Variants in KCNMA1 observed in about 807,000 individuals in gnomAD.
The protein encoded by KCNMA1 is Calcium-activated potassium channel subunit alpha-1.
KCNMA1 carries 29 observed loss-of-function variants against 140.0 expected under a neutral mutation model. The observed-to-expected ratio is 0.21, with a 90% CI of 0.15 to 0.28. The LOEUF (loss-of-function observed/expected upper bound fraction) is 0.28. Ranked by LOEUF, KCNMA1 falls within the 10% of genes least tolerant of loss-of-function variation. The probability of loss-of-function intolerance (pLI) is 1.00; values close to 1 mark genes in which losing one functional copy is unlikely to be tolerated. For synonymous variants in KCNMA1, 612 were observed against 611.9 expected (o/e 1.00, Z 0.00); for missense variants, 880 against 1,602.2 (o/e 0.55, Z 7.70).
chr10:77,561,687 G>T (rs570954593), intron 1 of KCNMA1, among the ~76,000 whole-genome samples: 1 of 152,160 alleles, frequency 6.6e-6, no homozygotes, highest in Non-Finnish European at 1.5e-5. Context: ...TTCACAAGGG[G>T]CACCATTGGC....
At chr10:77,358,992 A>G (rs2093723393) in intron 2 of KCNMA1, among the ~76,000 whole-genome samples, 1 of 152,180 alleles carries the variant, frequency 6.6e-6, no homozygotes, top group African/African-American at 2.4e-5. Flanking sequence ...TGCTAAAAGT[A>G]AGCCCCATGT....
intron 2 of KCNMA1, among the ~76,000 whole-genome samples, chr10:77,302,774 G>A (rs990805370): frequency 6.6e-6 from 1 of 152,144 alleles, no homozygotes; most frequent in African/African-American, 2.4e-5. Flanking sequence ...GCAAAAAAAG[G>A]CAACAGTGTA....
chr10:76,877,997 C>T, intron 29 of KCNMA1: 5 of 1,068,248 alleles, frequency 4.7e-6, no homozygotes, highest in South Asian at 1.4e-5. Context: ...AAAAGGTAAT[C>T]GATAGAAGCC....
At chr10:77,514,542 G>A (rs958552329) in intron 1 of KCNMA1, among the ~76,000 whole-genome samples, 2 of 152,134 alleles carry the variant, frequency 1.3e-5, no homozygotes, top group Non-Finnish European at 2.9e-5. Flanking sequence ...CTCCCAGCTG[G>A]CCCCCAGGCT....
chr10:77,506,649 G>A (rs559123775), intron 1 of KCNMA1, among the ~76,000 whole-genome samples: 114 of 141,254 alleles, frequency 8.1e-4, no homozygotes, highest in African/African-American at 2.6e-3. Flanking sequence ...GAGAGGGAGA[G>A]AGAGAGAGAG....
chr10:77,258,962 C>CA (rs67372746), intron 2 of KCNMA1, among the ~76,000 whole-genome samples: 24,599 of 151,406 alleles, frequency 0.16, 2,332 homozygotes, highest in Middle Eastern at 0.23. Context: ...GACTCTGTCT[C>CA]AAAAAAATAT....
At chr10:77,418,709 G>A (rs115928330) in intron 1 of KCNMA1, among the ~76,000 whole-genome samples, 2,951 of 152,204 alleles carry the variant, frequency 0.019, 92 homozygotes, top group African/African-American at 0.067. Flanking sequence ...TTGCATCCAC[G>A]GGGGCCTCCC....
intron 19 of KCNMA1, chr10:76,979,748 G>A (rs1337229018): frequency 6.6e-6 from 1 of 152,148 alleles, no homozygotes; most frequent in Non-Finnish European, 1.5e-5. Context: ...AGCCAATGGT[G>A]TCAAGAGCCC....
At chr10:76,894,254 A>G (rs2041538790) in intron 25 of KCNMA1, among the ~76,000 whole-genome samples, 2 of 152,248 alleles carry the variant, frequency 1.3e-5, no homozygotes, top group African/African-American at 2.4e-5. Context: ...AACAAATGGC[A>G]TAGCAACAAC....
chr10:77,558,606 G>A (rs2065339278), intron 1 of KCNMA1, among the ~76,000 whole-genome samples: 1 of 152,146 alleles, frequency 6.6e-6, no homozygotes. Context: ...AGACCCCTGT[G>A]GTGGGTGTCA....
intron 23 of KCNMA1, among the ~76,000 whole-genome samples, chr10:76,941,641 A>AACAGACTG (rs1468297711): frequency 1.3e-5 from 2 of 152,206 alleles, no homozygotes; most frequent in Non-Finnish European, 2.9e-5. Flanking sequence ...TAGGGAGCAG[A>AACAGACTG]ACAGACTGCT....
chr10:76,991,052 C>A (rs3824716), intron 19 of KCNMA1, among the ~76,000 whole-genome samples: 59,457 of 151,976 alleles, frequency 0.39, 12,461 homozygotes, highest in Admixed American at 0.49. Flanking sequence ...TTACCCTGAC[C>A]GCCATAAAAG....
intron 1 of KCNMA1, among the ~76,000 whole-genome samples, chr10:77,467,262 C>G (rs1223695281): frequency 6.6e-6 from 1 of 152,218 alleles, no homozygotes; most frequent in African/African-American, 2.4e-5. Context: ...CATGTCTGTA[C>G]TGCCACACTG....
At chr10:77,090,635 A>G (rs988169062) in intron 9 of KCNMA1, 125 bp from the exon 10 acceptor site, 5 of 712,346 alleles carry the variant, frequency 7.0e-6, no homozygotes, top group East Asian at 2.7e-5. Context: ...CTCCGCCTCC[A>G]TAAAAGCCCA....
chr10:77,346,292 A>G (rs1384649019), intron 2 of KCNMA1, among the ~76,000 whole-genome samples: 2 of 152,226 alleles, frequency 1.3e-5, no homozygotes, highest in African/African-American at 4.8e-5. Flanking sequence ...CATCTAAATC[A>G]GTACTCCCTT....
At chr10:76,907,610 C>G (rs1185447163) in intron 25 of KCNMA1, among the ~76,000 whole-genome samples, 1 of 152,174 alleles carries the variant, frequency 6.6e-6, no homozygotes, top group East Asian at 1.9e-4. Flanking sequence ...GCTATATCAT[C>G]TCACAGCAAC....
chr10:76,899,074 C>T (rs989831526), intron 25 of KCNMA1, among the ~76,000 whole-genome samples: 2 of 151,758 alleles, frequency 1.3e-5, no homozygotes, highest in South Asian at 2.1e-4. Context: ...AATCACTGGA[C>T]GTGAATAAGA....
intron 1 of KCNMA1, among the ~76,000 whole-genome samples, chr10:77,584,711 G>A (rs1024153940): frequency 6.6e-6 from 1 of 152,134 alleles, no homozygotes; most frequent in African/African-American, 2.4e-5. Flanking sequence ...CAGCCCATAC[G>A]CCATTCAGTC....
intron 20 of KCNMA1, among the ~76,000 whole-genome samples, chr10:76,961,504 A>C (rs945599532): frequency 6.6e-6 from 1 of 152,242 alleles, no homozygotes; most frequent in African/African-American, 2.4e-5. Flanking sequence ...AACTTAGTTG[A>C]TGAAGCAGCA....
Sources: gnomAD v4.1 joint callset for allele counts (sites outside exome capture counted in the v4.1 genomes callset) on GRCh38, gnomAD v4.1.1 for gene constraint, MANE v1.5 for transcripts, NCBI Gene and HGNC (gene_info 2026-07-23, HGNC 2026-07-21) for gene names.